Variants in CDH13 observed in about 807,000 individuals in gnomAD.
CDH13 encodes the protein cadherin 13, also known as cadherin-13.
In CDH13, 24 loss-of-function variants were observed where a neutral mutation model predicts 63.8. The ratio of observed to expected loss-of-function variants is 0.38; its 90% CI spans 0.27 to 0.53. The LOEUF (loss-of-function observed/expected upper bound fraction) is 0.53. CDH13 is among the 20% of genes least tolerant of loss of function. CDH13 has a pLI of 0.85. For synonymous variants in CDH13, 503 were observed against 355.3 expected (o/e 1.42, Z -4.67); for missense variants, 1,049 against 903.1 (o/e 1.16, Z -2.07).
intron 1 of CDH13, among the ~76,000 whole-genome samples, chr16:82,744,494 A>G (rs2034071500): frequency 1.3e-5 from 2 of 152,072 alleles, no homozygotes; most frequent in East Asian, 1.9e-4. Flanking sequence ...CAGTTAATGT[A>G]TCTATACGTC....
intron 1 of CDH13, among the ~76,000 whole-genome samples, chr16:82,814,967 G>A (rs1215381988): frequency 2.0e-5 from 3 of 152,156 alleles, no homozygotes; most frequent in Non-Finnish European, 4.4e-5. Context: ...CATACTTGGT[G>A]TCAAAACTGT....
chr16:83,685,299 A>G (rs1211540665), intron 10 of CDH13, among the ~76,000 whole-genome samples: 1 of 152,210 alleles, frequency 6.6e-6, no homozygotes, highest in Non-Finnish European at 1.5e-5. Context: ...TGTAAGGTAG[A>G]TGGCACTTTC....
intron 5 of CDH13, 56 bp downstream of exon 5, chr16:83,217,553 T>G (rs2039574873): frequency 3.9e-6 from 6 of 1,552,818 alleles, no homozygotes; most frequent in Non-Finnish European, 2.6e-6. Context: ...TTTCAAAGAT[T>G]GTTTTCTTCC....
chr16:82,907,493 C>T (rs1408829693), intron 2 of CDH13, among the ~76,000 whole-genome samples: 4 of 152,148 alleles, frequency 2.6e-5, no homozygotes, highest in South Asian at 2.1e-4. Flanking sequence ...TCCAAACTGT[C>T]GGTCCATTCA....
At chr16:82,936,704 G>C (rs764180756) in intron 2 of CDH13, among the ~76,000 whole-genome samples, 1 of 152,094 alleles carries the variant, frequency 6.6e-6, no homozygotes, top group African/African-American at 2.4e-5. Context: ...TCCTACCTAC[G>C]GATGCCAATG....
chr16:82,848,834 A>G (rs1340038002), intron 1 of CDH13, among the ~76,000 whole-genome samples: 2 of 152,206 alleles, frequency 1.3e-5, no homozygotes, highest in Non-Finnish European at 2.9e-5. Flanking sequence ...CAAACCTAGA[A>G]ATGATTAAGC....
At chr16:83,006,691 T>C (rs9926878) in intron 2 of CDH13, among the ~76,000 whole-genome samples, 2 of 152,018 alleles carry the variant, frequency 1.3e-5, no homozygotes, top group Non-Finnish European at 2.9e-5. Flanking sequence ...AGTTTGAAGC[T>C]AGCCAGGAGC....
chr16:83,462,190 G>A (rs2073199239), intron 6 of CDH13, among the ~76,000 whole-genome samples: 1 of 152,220 alleles, frequency 6.6e-6, no homozygotes, highest in Admixed American at 6.5e-5. Flanking sequence ...ATGAGCCCCT[G>A]CAGGCAAACC....
At chr16:83,089,913 A>C (rs1384570301) in intron 3 of CDH13, among the ~76,000 whole-genome samples, 2 of 152,152 alleles carry the variant, frequency 1.3e-5, no homozygotes, top group African/African-American at 4.8e-5. Context: ...ATTTATAACG[A>C]CATCCTAAGA....
At chr16:83,110,342 C>T (rs896932812) in intron 3 of CDH13, among the ~76,000 whole-genome samples, 1 of 152,174 alleles carries the variant, frequency 6.6e-6, no homozygotes, top group Non-Finnish European at 1.5e-5. Context: ...TTGTGTTAAC[C>T]ACACAACAGC....
chr16:83,543,397 T>C (rs916912328), intron 7 of CDH13, among the ~76,000 whole-genome samples: 1 of 152,202 alleles, frequency 6.6e-6, no homozygotes. Context: ...AATGGGAAAT[T>C]AACAATCTAC....
chr16:83,493,544 C>T (rs1158392047), intron 7 of CDH13, among the ~76,000 whole-genome samples: 2 of 152,084 alleles, frequency 1.3e-5, no homozygotes, highest in Admixed American at 6.6e-5. Context: ...ACCTGGAGTG[C>T]GGAAGCAGAA....
At chr16:83,648,201 G>A (rs1833963) in intron 8 of CDH13, among the ~76,000 whole-genome samples, 130,694 of 152,074 alleles carry the variant, frequency 0.86, 56,185 homozygotes, top group Admixed American at 0.89. Flanking sequence ...TCATCCAGGC[G>A]TGTAAATTAC....
At chr16:82,738,246 T>C (rs560172308) in intron 1 of CDH13, among the ~76,000 whole-genome samples, 6 of 152,194 alleles carry the variant, frequency 3.9e-5, no homozygotes, top group Non-Finnish European at 7.3e-5. Flanking sequence ...TCACTTCCAT[T>C]GTAAAAATAA....
chr16:83,745,685 C>A (rs1412162386), intron 10 of CDH13, among the ~76,000 whole-genome samples: 1 of 152,148 alleles, frequency 6.6e-6, no homozygotes, highest in African/African-American at 2.4e-5. Context: ...ACCACAGCCT[C>A]CCCCAGGTAA....
In CDH13 at chr16:82,851,345, G is replaced by A. The variant is rs2039473555; in HGVS notation, c.46-7017G>A. On this transcript the variant is annotated intron_variant, in intron 1 of 13. Coordinates refer to ENST00000567109, the MANE Select transcript of CDH13 (RefSeq NM_001257.5). ...AGCTACTCGGGAGACTGAGTCTGGAGAATTGCTTGAACCCTGGAGGCGGAG... is the reference window on the plus strand; with the variant it reads ...AGCTACTCGGGAGACTGAGTCTGGAAAATTGCTTGAACCCTGGAGGCGGAG... Among the ~76,000 whole-genome samples, 3 of 150,878 alleles carry A rather than the reference G, an allele frequency of 2.0e-5. No homozygotes were observed. The South Asian group carries it at 6.3e-4, about 32-fold the overall frequency.
At chr16:83,195,781 T>G (rs1472908393) in intron 4 of CDH13, among the ~76,000 whole-genome samples, 2 of 151,908 alleles carry the variant, frequency 1.3e-5, no homozygotes, top group Non-Finnish European at 2.9e-5. Flanking sequence ...CATGGATCAG[T>G]GGAAGGGAAT....
chr16:83,667,077 G>C (rs1466896384), intron 8 of CDH13, among the ~76,000 whole-genome samples: 2 of 149,196 alleles, frequency 1.3e-5, no homozygotes, highest in Admixed American at 6.7e-5. Flanking sequence ...TGGAAGGATG[G>C]ATAGATGGAT....
At chr16:82,859,173 T>C (rs992764391) in intron 2 of CDH13, 35 of 152,214 alleles carry the variant, frequency 2.3e-4, no homozygotes, top group African/African-American at 8.4e-4. Flanking sequence ...GAATTTAAAA[T>C]TGGTGGTAGA....
Sources: gnomAD v4.1 joint callset for allele counts (sites outside exome capture counted in the v4.1 genomes callset) on GRCh38, gnomAD v4.1.1 for gene constraint, MANE v1.5 for transcripts, NCBI Gene and HGNC (gene_info 2026-07-23, HGNC 2026-07-21) for gene names.